The following MCM3 variants were observed in gnomAD, a reference collection of about 807,000 sequenced individuals.
MCM3 encodes the protein minichromosome maintenance complex component 3.
A neutral mutation model predicts 91.3 loss-of-function variants in MCM3; 59 were observed. The observed-to-expected ratio is 0.65, with a 90% CI of 0.52 to 0.80. The LOEUF (loss-of-function observed/expected upper bound fraction) is 0.80. MCM3 is among the 30% of genes least tolerant of loss of function. MCM3 has a pLI of 0.00. For missense variants in MCM3, 919 were observed against 1,035.4 expected (o/e 0.89, Z 1.54); for synonymous variants, 383 against 379.6 (o/e 1.01, Z -0.10).
Position 52,282,747 on chromosome 6 carries a change from C to T in MCM3, c.306G>A (p.Leu102=), listed in dbSNP as rs761381874. Residue 102 remains leucine, a synonymous_variant, in exon 3 of 17, where the codon CTG becomes CTA. Transcript: ENST00000596288. ...CGTGCTTGGAGCCAAAGCTGCCTTC[C>T]AGTCCTACGTAGAACTCCTCATACT... ...AKQYEEFYVG[L]EGSFGSKHVS... The T allele has an allele frequency of 1.2e-6, 2 of 1,613,946 alleles. No homozygotes were observed. The highest frequency in any genetic ancestry group is 1.1e-5 in the South Asian group (1 of 91,080).
In MCM3 at chr6:52,269,165, T is replaced by G; in HGVS notation, c.1889A>C (p.Lys630Thr). The change falls in exon 13 of 17, where the codon AAG (lysine) becomes ACG (threonine). Residue 630 changes from lysine (K) to threonine (T), a missense_variant. Transcript: ENST00000596288. ...GTCCACAGTCTTGCTCATGCGGGCC[T>G]TCGCATGGGCTGTGGCCAGTCGAAT... ...TLIRLATAHA[K>T]ARMSKTVDLQ... 1 of 1,614,054 alleles carries G rather than the reference T, an allele frequency of 6.2e-7. No homozygotes were observed. The highest frequency in any genetic ancestry group is 8.5e-7 in the Non-Finnish European group (1 of 1,179,884).
At chr6:52,265,948 G>A (rs183806792) in intron 16 of MCM3, 127 bp downstream of exon 16, 65 of 653,072 alleles carry the variant, frequency 1.0e-4, no homozygotes, top group East Asian at 7.6e-4. Flanking sequence ...GTTAAAAGCT[G>A]CAGGCCTCTA....
intron 3 of MCM3, 89 bp downstream of exon 3, chr6:52,282,564 C>T: frequency 7.9e-7 from 1 of 1,262,290 alleles, no homozygotes; most frequent in South Asian, 1.3e-5. Context: ...TCTTTGAAGC[C>T]ACAAGCTACC....
intron 2 of MCM3, 43 bp downstream of exon 2, chr6:52,283,251 G>C (rs1766300859): frequency 5.9e-6 from 9 of 1,517,110 alleles, no homozygotes; most frequent in Admixed American, 5.0e-5. Context: ...AGAGGGAAGG[G>C]AGCCATTCTC....
At chr6:52,273,104 G>A (rs776063856) in intron 11 of MCM3, 126 bp downstream of exon 11, 28 of 1,069,326 alleles carry the variant, frequency 2.6e-5, no homozygotes, top group Middle Eastern at 2.8e-4. Flanking sequence ...ATTAATCCAC[G>A]TGGTTATGAC....
chr6:52,268,106 C>G (rs555705779), intron 13 of MCM3, 138 bp from the exon 14 acceptor site: 2 of 1,190,500 alleles, frequency 1.7e-6, no homozygotes, highest in African/African-American at 1.5e-5. Flanking sequence ...CCTCTTGTCC[C>G]TAAGTCCCAG....
intron 1 of MCM3, among the ~76,000 whole-genome samples, chr6:52,283,890 C>G (rs958297341): frequency 3.9e-5 from 6 of 152,220 alleles, no homozygotes; most frequent in African/African-American, 1.4e-4. Flanking sequence ...GTAAATAAAA[C>G]AGACTCTTAA....
In MCM3 at chr6:52,276,436, G is replaced by A; in HGVS notation, c.1206C>T (p.Asp402=). The A allele has an allele frequency of 6.2e-7, 1 of 1,614,184 alleles. No individual in the cohort carries two copies. ...ATTCATCAATGCAAACCACGCCTCG[G>A]TCAGCCAGGACCATGGCCCCTGCTT... is the stretch of plus-strand genomic sequence containing the variant. The part of the protein sequence containing the change: ...RLEAGAMVLA[D]RGVVCIDEFD... The change falls in exon 9 of 17, where the codon GAC becomes GAT. Residue 402 remains aspartate, a synonymous_variant. Transcript: ENST00000596288.
At position 52,283,536 on chromosome 6, in the gene MCM3, CTCA is replaced by C. The variant is rs1766348148; in HGVS notation, c.79-133_79-131del. The C allele has an allele frequency of 2.2e-5, 15 of 685,700 alleles. No individual in the cohort carries two copies. The South Asian group carries it at 2.5e-4, about 11-fold the overall frequency. The allele number at this position is 685,700 out of a possible 1,614,324, so 42.5% of individuals were successfully genotyped here. On this transcript the variant is annotated intron_variant, in intron 1 of 16. Transcript: ENST00000596288. ...GAGCTGAATCCCCAGTAAGTATGTG[CTCA>C]TCAATTTCTCCCTTTCATTCACTGT...
chr6:52,282,869 T>G lies in MCM3; in HGVS notation c.192-8A>C. ...AAGGCATTGTTCAGAAGCCTGTACA[T>G]AAGCAAGAGAAAGAAAAATTAGACT... On this transcript the variant is annotated splice_polypyrimidine_tract_variant and splice_region_variant and intron_variant, in intron 2 of 16. Transcript: ENST00000596288. 1 of 1,611,682 alleles carries G rather than the reference T, an allele frequency of 6.2e-7. No individual in the cohort carries two copies. The highest frequency in any genetic ancestry group is 8.5e-7 in the Non-Finnish European group (1 of 1,178,602).
intron 14 of MCM3, 106 bp downstream of exon 14, chr6:52,267,759 C>A: frequency 1.4e-6 from 1 of 703,382 alleles, no homozygotes; most frequent in Non-Finnish European, 2.7e-6. Flanking sequence ...CTCCTGGACT[C>A]AAGTGACCCA....
intron 4 of MCM3, 64 bp from the exon 5 acceptor site, chr6:52,279,663 C>G: frequency 8.4e-7 from 1 of 1,187,308 alleles, no homozygotes. Flanking sequence ...CCACACTCAC[C>G]TGTCATGGCA....
chr6:52,280,127 G>GTATTTAAAT, intron 4 of MCM3, among the ~76,000 whole-genome samples: 1 of 152,294 alleles, frequency 6.6e-6, no homozygotes, highest in South Asian at 2.1e-4. Context: ...AAGCCCATAA[G>GTATTTAAAT]TATTTAAATA....
intron 4 of MCM3, among the ~76,000 whole-genome samples, chr6:52,280,937 A>C (rs1171276638): frequency 6.6e-6 from 1 of 152,202 alleles, no homozygotes; most frequent in Non-Finnish European, 1.5e-5. Context: ...GTTTTTGTTT[A>C]TGTTTCATTT....
At chr6:52,273,610 G>C in intron 10 of MCM3, 132 bp downstream of exon 10, 1 of 940,624 alleles carries the variant, frequency 1.1e-6, no homozygotes, top group Non-Finnish European at 1.6e-6. Flanking sequence ...AGGGGAGGTG[G>C]CTAAACAGTT....
chr6:52,282,647 A>T lies in MCM3; in HGVS notation c.400+6T>A, dbSNP rs770000854. 1.9e-6 allele frequency: 3 copies of T among 1,612,202 alleles called. No homozygotes were observed. The African/African-American group carries it at 4.0e-5, about 22-fold the overall frequency. ...TTTCCTAAGCGGCCCCCTTTAACCC[A>T]CTTACATTTAGTGACAATGCCCTCC... On this transcript the variant is annotated splice_donor_region_variant and intron_variant, in intron 3 of 16. Transcript: ENST00000596288.
In MCM3 at chr6:52,283,273, G is replaced by C. The variant is rs561455093; in HGVS notation, c.191+21C>G. Reference sequence around the variant, plus strand: ...AGGGAGCCATTCTCACTGACAGCCAGTATATCCCCTTGCCTCTCACCGGTT... The same window carrying C: ...AGGGAGCCATTCTCACTGACAGCCACTATATCCCCTTGCCTCTCACCGGTT... On this transcript the variant is annotated intron_variant, in intron 2 of 16. Coordinates refer to ENST00000596288, the MANE Select transcript of MCM3 (RefSeq NM_002388.6). 7 of 1,592,356 alleles carry C rather than the reference G, an allele frequency of 4.4e-6. No individual in the cohort carries two copies. The South Asian group carries it at 6.6e-5, about 15-fold the overall frequency.
In MCM3 at chr6:52,264,762, G is replaced by A. The variant is rs1474346588; in HGVS notation, c.2253C>T (p.Leu751=). Residue 751 remains leucine, a synonymous_variant, in exon 17 of 17, where the codon CTC becomes CTT. Coordinates refer to ENST00000596288, the MANE Select transcript of MCM3 (RefSeq NM_002388.6). ...ESRLKAFKVA[L]LDVFREAHAQ... is the part of the protein sequence containing the mutation. ...CATGAGCTTCCCGGAACACATCCAA[G>A]AGGGCCACCTTGAATGCCTTCAACC... is the stretch of plus-strand genomic sequence containing the variant. 14 of 1,613,946 alleles carry A rather than the reference G, an allele frequency of 8.7e-6. No individual in the cohort carries two copies. The highest frequency in any genetic ancestry group is 1.2e-5 in the Non-Finnish European group (14 of 1,180,046).
chr6:52,271,394 G>A (rs1261827596), intron 12 of MCM3, among the ~76,000 whole-genome samples: 1 of 152,198 alleles, frequency 6.6e-6, no homozygotes, highest in African/African-American at 2.4e-5. Flanking sequence ...TGTAATCCCA[G>A]CACTTTGGGA....
Sources: gnomAD v4.1 joint callset for allele counts (sites outside exome capture counted in the v4.1 genomes callset) on GRCh38, gnomAD v4.1.1 for gene constraint, MANE v1.5 for transcripts, NCBI Gene and HGNC (gene_info 2026-07-23, HGNC 2026-07-21) for gene names.